The following MAP3K7 variants were observed in gnomAD, a reference collection of about 807,000 sequenced individuals.
MAP3K7 encodes the protein mitogen-activated protein kinase kinase kinase 7.
Under a neutral mutation model 84.8 loss-of-function variants are expected in MAP3K7, and 21 were observed. The observed-to-expected ratio is 0.25, with a 90% CI of 0.18 to 0.36. MAP3K7 has a LOEUF of 0.36. MAP3K7 is among the 10% of genes least tolerant of loss of function. The pLI is 1.00. For synonymous variants in MAP3K7, 241 were observed against 247.7 expected (o/e 0.97, Z 0.25); for missense variants, 503 against 747.7 (o/e 0.67, Z 3.82).
intron 3 of MAP3K7, among the ~76,000 whole-genome samples, chr6:90,567,243 C>A (rs1776738995): frequency 6.6e-6 from 1 of 152,294 alleles, no homozygotes; most frequent in South Asian, 2.1e-4. Context: ...AGCTTCTGCA[C>A]AGCAAAAGAA....
chr6:90,567,918 A>G (rs1345958729), intron 3 of MAP3K7, among the ~76,000 whole-genome samples: 1 of 152,234 alleles, frequency 6.6e-6, no homozygotes, highest in African/African-American at 2.4e-5. Context: ...TTGTAGGGAC[A>G]TGGATGAAGC....
At chr6:90,546,172 T>G (rs1398591834) in intron 11 of MAP3K7, among the ~76,000 whole-genome samples, 1 of 152,180 alleles carries the variant, frequency 6.6e-6, no homozygotes, top group African/African-American at 2.4e-5. Flanking sequence ...TAATGGATTC[T>G]AATAGTAGCT....
At chr6:90,558,384 G>A (rs1407208832) in intron 5 of MAP3K7, among the ~76,000 whole-genome samples, 1 of 151,836 alleles carries the variant, frequency 6.6e-6, no homozygotes, top group Admixed American at 6.6e-5. Flanking sequence ...AGGTATTCAT[G>A]TATGTCCAAT....
At chr6:90,541,469 G>A (rs754859592) in intron 12 of MAP3K7, among the ~76,000 whole-genome samples, 11 of 151,936 alleles carry the variant, frequency 7.2e-5, no homozygotes, top group Non-Finnish European at 1.5e-4. Flanking sequence ...TCTTAGCTGC[G>A]TGTCTTCCTT....
At position 90,544,590 on chromosome 6, in the gene MAP3K7, A is replaced by G; in HGVS notation, c.1253T>C (p.Phe418Ser). Residue 418 changes from phenylalanine (F) to serine (S), a missense_variant, in exon 12 of 17, where the codon TTT becomes TCT. Physicochemically the swap from Phe to Ser is radical, Grantham distance 155. Around this residue, in one of 5 missense-constraint regions of MAP3K7, gnomAD observed 286 missense variants for 313.6 expected, o/e 0.91. Coordinates refer to ENST00000369329, the MANE Select transcript of MAP3K7 (RefSeq NM_145331.3). ...CTCAGGGACATCCAGAATGTTGCCA[A>G]ATGAAGCAGTTTTACGGTGGCCCCG... Reference protein sequence around the residue: ...PKRGHRKTASFGNILDVPEIV... With the variant: ...PKRGHRKTASSGNILDVPEIV... 1 of 1,612,598 alleles carries G rather than the reference A, an allele frequency of 6.2e-7. No homozygotes were observed. Among genetic ancestry groups the G allele is most frequent in the Non-Finnish European group, 8.5e-7 (1 of 1,178,950 alleles).
intron 3 of MAP3K7, among the ~76,000 whole-genome samples, chr6:90,562,155 C>T (rs892471022): frequency 3.3e-5 from 5 of 152,328 alleles, no homozygotes; most frequent in East Asian, 3.9e-4. Flanking sequence ...CAGCTACCAG[C>T]GTAAGCGACG....
intron 16 of MAP3K7, among the ~76,000 whole-genome samples, chr6:90,517,425 G>T (rs1214513585): frequency 2.0e-5 from 3 of 151,800 alleles, no homozygotes; most frequent in Admixed American, 1.3e-4. Context: ...ACTTCTGAAA[G>T]TATTTAAAAT....
At chr6:90,544,208 A>C (rs1233142261) in intron 12 of MAP3K7, among the ~76,000 whole-genome samples, 1 of 152,076 alleles carries the variant, frequency 6.6e-6, no homozygotes, top group Non-Finnish European at 1.5e-5. Context: ...ACAAATTTTA[A>C]TTAGTTGTTT....
chr6:90,575,770 TAG>T (rs1437763179), intron 1 of MAP3K7, among the ~76,000 whole-genome samples: 1 of 152,112 alleles, frequency 6.6e-6, no homozygotes, highest in African/African-American at 2.4e-5. Context: ...AGAACTGGGT[TAG>T]GTCTTCTGCC....
At chr6:90,560,255 TATAACAAAA>T (rs1463525980) in intron 4 of MAP3K7, 41 bp from the exon 5 acceptor site, 9 of 1,610,474 alleles carry the variant, frequency 5.6e-6, no homozygotes, top group Non-Finnish European at 7.6e-6. Flanking sequence ...CTTTATTGCA[TATAACAAAA>T]GACACAATGT....
At chr6:90,572,987 A>G (rs1329764617) in intron 1 of MAP3K7, among the ~76,000 whole-genome samples, 1 of 152,168 alleles carries the variant, frequency 6.6e-6, no homozygotes, top group Non-Finnish European at 1.5e-5. Flanking sequence ...CTTTAGCAAA[A>G]AATCTGCATC....
intron 5 of MAP3K7, among the ~76,000 whole-genome samples, chr6:90,557,302 A>C (rs1330659974): frequency 6.6e-6 from 1 of 152,180 alleles, no homozygotes; most frequent in East Asian, 1.9e-4. Flanking sequence ...TTCATGACAA[A>C]GAGAAATAGA....
rs1774899150 is a variant in MAP3K7, at chr6:90,514,636, T to C, written c.*1865A>G. Reference sequence around the variant, plus strand: ...CGAATGCTAAATCCTAATGGAAACATCAAGCCTTAGCATTCACGCTTGGAT... The same window carrying C: ...CGAATGCTAAATCCTAATGGAAACACCAAGCCTTAGCATTCACGCTTGGAT... On this transcript the variant is annotated 3_prime_UTR_variant, in exon 17 of 17. Coordinates refer to ENST00000369329, the MANE Select transcript of MAP3K7 (RefSeq NM_145331.3). 6.6e-6 allele frequency: 1 copy of C among 151,996 alleles called. No homozygotes were observed. The allele number at this position is 151,996 out of a possible 1,614,324, so 9.4% of individuals were successfully genotyped here.
intron 5 of MAP3K7, among the ~76,000 whole-genome samples, chr6:90,558,630 A>T (rs150117): frequency 0.34 from 52,143 of 152,044 alleles, 9,115 homozygotes; most frequent in South Asian, 0.42. Context: ...TTTTAGAAGG[A>T]TATATCTGGT....
At chr6:90,580,457 C>T (rs1254385164) in intron 1 of MAP3K7, among the ~76,000 whole-genome samples, 2 of 152,172 alleles carry the variant, frequency 1.3e-5, no homozygotes, top group African/African-American at 4.8e-5. Context: ...GTTTATTTGA[C>T]ACACTGTAAT....
At chr6:90,574,157 A>C (rs1472587857) in intron 1 of MAP3K7, among the ~76,000 whole-genome samples, 1 of 152,238 alleles carries the variant, frequency 6.6e-6, no homozygotes, top group Non-Finnish European at 1.5e-5. Flanking sequence ...TCCTTCATGA[A>C]TATCTACAGG....
Position 90,552,160 on chromosome 6 carries a change from TA to T in MAP3K7, c.755del (p.Ile252LysfsTer11). The T allele has an allele frequency of 6.2e-7, 1 of 1,610,856 alleles. No homozygotes were observed. Among genetic ancestry groups the T allele is most frequent in the East Asian group, 2.2e-5 (1 of 44,802 alleles). On this transcript the variant is annotated frameshift_variant, in exon 8 of 17. Transcript: ENST00000369329. LOFTEE classifies it high-confidence loss of function. ...AVHNGTRPPL[I>X]KNLPKPIESL... ...TCTCAATGGGCTTAGGTAAATTTTTTATCAGTGGTGGTCGAGTACCTACAAT... is the reference window on the plus strand; with the variant it reads ...TCTCAATGGGCTTAGGTAAATTTTTTTCAGTGGTGGTCGAGTACCTACAAT...
intron 11 of MAP3K7, among the ~76,000 whole-genome samples, chr6:90,544,882 A>C (rs34940437): frequency 6.6e-6 from 1 of 152,056 alleles, no homozygotes; most frequent in Non-Finnish European, 1.5e-5. Flanking sequence ...AAGAACAGAG[A>C]CAAAGCTGCA....
At chr6:90,559,807 T>C (rs945839427) in intron 5 of MAP3K7, among the ~76,000 whole-genome samples, 3 of 152,092 alleles carry the variant, frequency 2.0e-5, no homozygotes, top group Non-Finnish European at 4.4e-5. Context: ...CAAAATGAGA[T>C]TTTTATAGGC....
Sources: allele counts gnomAD v4.1 joint callset (sites outside exome capture counted in the v4.1 genomes callset), GRCh38; gene constraint gnomAD v4.1.1; regional missense constraint gnomAD v4.1.1; transcripts MANE v1.5; gene names NCBI Gene and HGNC (gene_info 2026-07-23, HGNC 2026-07-21).